The following SHISA9 variants were observed in gnomAD, a reference collection of about 807,000 sequenced individuals.
SHISA9 encodes protein shisa-9.
A neutral mutation model predicts 38.0 loss-of-function variants in SHISA9; 13 were observed. That is an observed-to-expected ratio of 0.34 (90% CI 0.22 to 0.54). The LOEUF is 0.54. Ranked by LOEUF, SHISA9 falls within the 20% of genes least tolerant of loss-of-function variation. SHISA9 has a pLI of 0.91. For missense variants in SHISA9, 538 were observed against 575.8 expected (o/e 0.93, Z 0.67); for synonymous variants, 275 against 242.0 (o/e 1.14, Z -1.27).
chr16:13,109,097 G>T (rs2073953395), intron 2 of SHISA9, among the ~76,000 whole-genome samples: 1 of 152,208 alleles, frequency 6.6e-6, no homozygotes, highest in South Asian at 2.1e-4. Context: ...ACTGAGTGTT[G>T]CAGGCATCAG....
the SHISA9 span, among the ~76,000 whole-genome samples, chr16:13,415,501 C>A: frequency 1.3e-5 from 2 of 152,028 alleles, no homozygotes; most frequent in Admixed American, 6.5e-5. Context: ...GACTTAATAC[C>A]TGGGTGATGA....
chr16:12,948,285 T>G (rs952217436), intron 2 of SHISA9, among the ~76,000 whole-genome samples: 4 of 152,168 alleles, frequency 2.6e-5, no homozygotes, highest in Non-Finnish European at 4.4e-5. Context: ...AACCAAGCTC[T>G]TGAACTATTA....
chr16:13,467,234 G>C, the SHISA9 span, among the ~76,000 whole-genome samples: 1 of 152,096 alleles, frequency 6.6e-6, no homozygotes, highest in South Asian at 2.1e-4. Context: ...CTTCTATGTG[G>C]GGGGGTAGCA....
chr16:13,125,267 T>G (rs993609979), intron 2 of SHISA9, among the ~76,000 whole-genome samples: 11 of 152,144 alleles, frequency 7.2e-5, no homozygotes, highest in African/African-American at 2.7e-4. Flanking sequence ...AACAACTCTA[T>G]AGGAATAAAA....
the SHISA9 span, among the ~76,000 whole-genome samples, chr16:13,275,037 A>T: frequency 6.6e-6 from 1 of 152,126 alleles, no homozygotes; most frequent in Non-Finnish European, 1.5e-5. Flanking sequence ...ACAAGGTATG[A>T]GGTCAAACCT....
chr16:13,259,794 G>A, the SHISA9 span, among the ~76,000 whole-genome samples: 1 of 152,186 alleles, frequency 6.6e-6, no homozygotes, highest in Admixed American at 6.5e-5. Flanking sequence ...GCTGCACACA[G>A]CATGGGCACC....
At chr16:13,520,596 T>C in the SHISA9 span, among the ~76,000 whole-genome samples, 1 of 104,834 alleles carries the variant, frequency 9.5e-6, no homozygotes, top group Non-Finnish European at 1.8e-5. Flanking sequence ...AGAGTGAAAC[T>C]CTGTCTCAAA....
intron 2 of SHISA9, among the ~76,000 whole-genome samples, chr16:13,144,984 G>A (rs1300599318): frequency 1.3e-5 from 2 of 152,214 alleles, no homozygotes; most frequent in African/African-American, 4.8e-5. Flanking sequence ...TTTGGCAGAG[G>A]AGGGAGCATC....
At chr16:13,272,990 T>C in the SHISA9 span, among the ~76,000 whole-genome samples, 1 of 152,136 alleles carries the variant, frequency 6.6e-6, no homozygotes, top group African/African-American at 2.4e-5. Context: ...TTGCTTTCTC[T>C]CTCATTTCCT....
At chr16:13,280,117 C>CTTTTTTTTTTTTTTTTTTTT in the SHISA9 span, among the ~76,000 whole-genome samples, 2 of 102,824 alleles carry the variant, frequency 1.9e-5, no homozygotes, top group African/African-American at 4.4e-5. Flanking sequence ...CTCTCTTTCT[C>CTTTTTTTTTTTTTTTTTTTT]TTTTTTTTTT....
At chr16:13,030,161 G>A (rs968243797) in intron 2 of SHISA9, among the ~76,000 whole-genome samples, 1 of 152,178 alleles carries the variant, frequency 6.6e-6, no homozygotes, top group Non-Finnish European at 1.5e-5. Context: ...TGTAGCAGGT[G>A]TATTGGCGCC....
At chr16:12,966,567 C>A (rs1406978839) in intron 2 of SHISA9, among the ~76,000 whole-genome samples, 1 of 152,126 alleles carries the variant, frequency 6.6e-6, no homozygotes, top group African/African-American at 2.4e-5. Flanking sequence ...GCTTTATAAT[C>A]TTTATAACAA....
the SHISA9 span, among the ~76,000 whole-genome samples, chr16:13,367,157 A>G: frequency 2.0e-5 from 3 of 151,842 alleles, no homozygotes; most frequent in Non-Finnish European, 4.4e-5. Context: ...CAACTACAGT[A>G]CTAGGGTGAA....
At chr16:13,023,510 T>A (rs1171587029) in intron 2 of SHISA9, among the ~76,000 whole-genome samples, 1 of 152,238 alleles carries the variant, frequency 6.6e-6, no homozygotes, top group Non-Finnish European at 1.5e-5. Context: ...AGTAGCATGA[T>A]TTATAATCCT....
At chr16:12,902,929 A>G in intron 1 of SHISA9, 1 of 349,288 alleles carries the variant, frequency 2.9e-6, no homozygotes, top group Non-Finnish European at 5.1e-6. Context: ...GACTTGAGAC[A>G]CGTAGCCTGG....
chr16:13,463,992 G>A, the SHISA9 span, among the ~76,000 whole-genome samples: 1 of 152,254 alleles, frequency 6.6e-6, no homozygotes, highest in African/African-American at 2.4e-5. Flanking sequence ...CTAATTAACA[G>A]AAAGATCCAG....
At chr16:13,476,979 C>A in the SHISA9 span, among the ~76,000 whole-genome samples, 2 of 151,832 alleles carry the variant, frequency 1.3e-5, no homozygotes, top group South Asian at 2.1e-4. Flanking sequence ...ATCTCCTGAC[C>A]TCATTATCTG....
the SHISA9 span, among the ~76,000 whole-genome samples, chr16:13,553,358 C>G: frequency 1.3e-5 from 2 of 152,196 alleles, no homozygotes; most frequent in South Asian, 2.1e-4. Flanking sequence ...AACACTCTAT[C>G]TCATTCTACG....
At chr16:13,429,169 A>T in the SHISA9 span, among the ~76,000 whole-genome samples, 3 of 152,298 alleles carry the variant, frequency 2.0e-5, no homozygotes, top group African/African-American at 4.8e-5. Context: ...CCAGGTGAGA[A>T]ATAACAAAGA....
Sources: allele counts gnomAD v4.1 joint callset (sites outside exome capture counted in the v4.1 genomes callset), GRCh38; gene constraint gnomAD v4.1.1; transcripts MANE v1.5; gene names NCBI Gene and HGNC (gene_info 2026-07-23, HGNC 2026-07-21).